Variants in MTRF1L observed in about 807,000 individuals in gnomAD.
The protein encoded by MTRF1L is peptide chain release factor 1-like, mitochondrial.
MTRF1L carries 29 observed loss-of-function variants against 40.0 expected under a neutral mutation model. That is an observed-to-expected ratio of 0.73 (90% CI 0.54 to 0.99). The LOEUF (loss-of-function observed/expected upper bound fraction) is 0.99, where lower values mean the gene tolerates loss of function less well. Among genes scored for constraint, MTRF1L ranks in the 50% least tolerant of loss-of-function variants. The pLI is 0.00. For synonymous variants in MTRF1L, 150 were observed against 175.8 expected, an observed-to-expected ratio of 0.85 and a Z score of 1.16; for missense variants, 412 against 464.5, an observed-to-expected ratio of 0.89 and a Z score of 1.04.
chr6:152,994,820 AATGTTTTAAT>A, intron 3 of MTRF1L, 144 bp from the exon 4 acceptor site: 1 of 1,040,356 alleles, frequency 9.6e-7, no homozygotes, highest in East Asian at 2.6e-5. Flanking sequence ...TAAAATATTC[AATGTTTTAAT>A]ATTTATCTTT....
At position 153,002,581 on chromosome 6, in the gene MTRF1L, C is replaced by T. The variant is rs370200583; in HGVS notation, c.105G>A (p.Glu35=). The change falls in exon 1 of 7, where the codon GAG becomes GAA. Residue 35 remains glutamate, a synonymous_variant. Coordinates refer to ENST00000367233, the MANE Select transcript of MTRF1L (RefSeq NM_019041.7). ...GCAAGGGCCCGCCCCGGGTGAACAG[C>T]TCCTCCAGCGGCGGGCTACCGGAGC... ...PLSSGSPPLE[E]LFTRGGPLRT... is the part of the protein sequence containing the mutation. 57 of 1,561,876 alleles carry T rather than the reference C, an allele frequency of 3.6e-5. No individual in the cohort carries two copies. The African/African-American group carries it at 6.7e-4, about 18-fold the overall frequency.
chr6:152,995,367 T>G (rs1176962821), intron 2 of MTRF1L, 48 bp from the exon 3 acceptor site: 1 of 1,410,004 alleles, frequency 7.1e-7, no homozygotes, highest in African/African-American at 1.5e-5. Flanking sequence ...ATTTAAAATT[T>G]ATCAAAAAAT....
At chr6:152,994,399 A>G in intron 4 of MTRF1L, 114 bp downstream of exon 4, 2 of 1,136,264 alleles carry the variant, frequency 1.8e-6, no homozygotes, top group Non-Finnish European at 2.4e-6. Context: ...ATGCAACTCA[A>G]AATACACAAG....
rs186746754 is a variant in MTRF1L, at chr6:152,992,007, A to G, written c.806-686T>C. Among the ~76,000 whole-genome samples, 86 of 147,666 alleles carry G rather than the reference A, an allele frequency of 5.8e-4. 1 individual carries two copies. The East Asian group carries it at 0.016, about 28-fold the overall frequency. ...AAAAATCCTATTACCAGAGAAAATC[A>G]CTTAACTTTTTTAGGCTATCCATTT... On this transcript the variant is annotated intron_variant, in intron 5 of 6. Coordinates refer to ENST00000367233, the MANE Select transcript of MTRF1L (RefSeq NM_019041.7).
In MTRF1L at chr6:153,002,407, C is replaced by A; in HGVS notation, c.259+20G>T. ...GTCAAGAATGTGCTCTGACGCCTCTCCCCCGGGCCCGACCCTTACCGTGCA... is the reference window on the plus strand; with the variant it reads ...GTCAAGAATGTGCTCTGACGCCTCTACCCCGGGCCCGACCCTTACCGTGCA... On this transcript the variant is annotated intron_variant, in intron 1 of 6. Coordinates refer to ENST00000367233, the MANE Select transcript of MTRF1L (RefSeq NM_019041.7). 5 of 1,613,924 alleles carry A rather than the reference C, an allele frequency of 3.1e-6. No individual in the cohort carries two copies. Among genetic ancestry groups the A allele is most frequent in the Non-Finnish European group, 4.2e-6 (5 of 1,179,828 alleles).
chr6:152,994,880 T>C (rs1778661312), intron 3 of MTRF1L: 1 of 733,212 alleles, frequency 1.4e-6, no homozygotes, highest in African/African-American at 1.8e-5. Flanking sequence ...ATGGGGCTAA[T>C]CAGTTGACAT....
intron 5 of MTRF1L, 149 bp downstream of exon 5, chr6:152,992,708 T>A: frequency 1.7e-6 from 1 of 595,848 alleles, no homozygotes; most frequent in Non-Finnish European, 2.9e-6. Flanking sequence ...GAGTATCAGG[T>A]AAGGATTCTA....
chr6:152,998,500 T>C, intron 2 of MTRF1L, 50 bp downstream of exon 2: 1 of 1,362,144 alleles, frequency 7.3e-7, no homozygotes. Context: ...TAATAAACTT[T>C]AATGCCTAAG....
chr6:152,987,443 C>G lies in MTRF1L; in HGVS notation c.*2452G>C, dbSNP rs562799342. The G allele has an allele frequency of 6.6e-6, 1 of 152,066 alleles. No homozygotes were observed. The highest frequency in any genetic ancestry group is 1.5e-5 in the Non-Finnish European group (1 of 68,028). The allele number at this position is 152,066 out of a possible 1,614,324, so 9.4% of individuals were successfully genotyped here. ...TTTACATTGTTGAGCAAAGGAGTGA[C>G]GAGATCAGTCTTGCTTTTTAGAAAG... On this transcript the variant is annotated 3_prime_UTR_variant, in exon 7 of 7. Coordinates refer to ENST00000367233, the MANE Select transcript of MTRF1L (RefSeq NM_019041.7).
At chr6:153,001,536 A>G (rs946113689) in intron 1 of MTRF1L, among the ~76,000 whole-genome samples, 5 of 152,220 alleles carry the variant, frequency 3.3e-5, no homozygotes, top group African/African-American at 7.2e-5. Flanking sequence ...ATGGCATTCA[A>G]TGCAAAACTC....
At chr6:152,996,452 A>G (rs1778717002) in intron 2 of MTRF1L, among the ~76,000 whole-genome samples, 1 of 152,208 alleles carries the variant, frequency 6.6e-6, no homozygotes, top group Non-Finnish European at 1.5e-5. Flanking sequence ...AATGGGTAAA[A>G]TGCGAGCTAT....
In MTRF1L at chr6:152,990,444, CTG is replaced by C. The variant is rs912018308; in HGVS notation, c.943-351_943-350del. On this transcript the variant is annotated intron_variant, in intron 6 of 6. Transcript: ENST00000367233. ...TATAGTCGCTGAATACATATAATCTCTGTGAATTAATGCAGTCATCTTCCGTG... is the reference window on the plus strand; with the variant it reads ...TATAGTCGCTGAATACATATAATCTCTGAATTAATGCAGTCATCTTCCGTG... 1.0e-3 allele frequency: 189 copies of C among 187,154 alleles called. 3 individuals are homozygous for C. The highest frequency in any genetic ancestry group is 1.9e-4 in the Non-Finnish European group (17 of 90,672). The allele number at this position is 187,154 out of a possible 1,614,324, so 11.6% of individuals were successfully genotyped here.
intron 1 of MTRF1L, among the ~76,000 whole-genome samples, chr6:153,001,835 C>T (rs1778927638): frequency 6.6e-6 from 1 of 152,250 alleles, no homozygotes. Flanking sequence ...CCACCATTAA[C>T]TTTTCTTTAC....
At chr6:152,990,519 T>C (rs940445868) in intron 6 of MTRF1L, 1 of 159,020 alleles carries the variant, frequency 6.3e-6, no homozygotes, top group Non-Finnish European at 1.4e-5. Flanking sequence ...TAAAAGGCTC[T>C]GTAGTTATAA....
intron 5 of MTRF1L, among the ~76,000 whole-genome samples, chr6:152,991,889 C>T (rs2129097678): frequency 6.6e-6 from 1 of 152,296 alleles, no homozygotes; most frequent in South Asian, 2.1e-4. Flanking sequence ...ACATACTAAA[C>T]AATAAGCATA....
Position 153,002,401 on chromosome 6 carries a change from G to A in MTRF1L, c.259+26C>T, listed in dbSNP as rs536831829. 4.3e-6 allele frequency: 7 copies of A among 1,613,874 alleles called. No homozygotes were observed. In the East Asian group the frequency reaches 8.9e-5, roughly 21 times the overall value. On this transcript the variant is annotated intron_variant, in intron 1 of 6. Coordinates refer to ENST00000367233, the MANE Select transcript of MTRF1L (RefSeq NM_019041.7). ...CGAAGAGTCAAGAATGTGCTCTGAC[G>A]CCTCTCCCCCGGGCCCGACCCTTAC...
At chr6:152,998,522 T>C (rs1342160408) in intron 2 of MTRF1L, 28 bp downstream of exon 2, 1 of 1,497,796 alleles carries the variant, frequency 6.7e-7, no homozygotes, top group Non-Finnish European at 9.0e-7. Flanking sequence ...ATAGCACAAA[T>C]GCTTTATTCT....
chr6:152,997,318 C>G (rs1778747389), intron 2 of MTRF1L, among the ~76,000 whole-genome samples: 1 of 152,178 alleles, frequency 6.6e-6, no homozygotes, highest in Non-Finnish European at 1.5e-5. Context: ...TCAACTGGTT[C>G]AGCTTATAAA....
intron 6 of MTRF1L, 95 bp downstream of exon 6, chr6:152,991,090 A>T: frequency 1.2e-6 from 1 of 808,786 alleles, no homozygotes; most frequent in Non-Finnish European, 1.8e-6. Flanking sequence ...AACACAGGTT[A>T]AAACAAATAT....
Sources: gnomAD v4.1 joint callset for allele counts (sites outside exome capture counted in the v4.1 genomes callset) on GRCh38, gnomAD v4.1.1 for gene constraint, MANE v1.5 for transcripts, NCBI Gene and HGNC (gene_info 2026-07-23, HGNC 2026-07-21) for gene names.